The following CIB4 variants were observed in gnomAD, a reference collection of about 807,000 sequenced individuals.
CIB4 encodes calcium and integrin binding family member 4.
In CIB4, 25 loss-of-function variants were observed where a neutral mutation model predicts 25.8. That is an observed-to-expected ratio of 0.97 (90% CI 0.71 to 1.35). CIB4 has a LOEUF of 1.35. Among genes scored for constraint, CIB4 ranks in the 40% most tolerant of loss-of-function variants. The probability of loss-of-function intolerance (pLI) is 0.00; values close to 1 mark genes in which losing one functional copy is unlikely to be tolerated. For synonymous variants in CIB4, 75 were observed against 81.4 expected, an observed-to-expected ratio of 0.92 and a Z score of 0.42; for missense variants, 235 against 228.2, an observed-to-expected ratio of 1.03 and a Z score of -0.19.
chr2:26,635,364 T>A (rs1003434489), intron 2 of CIB4, among the ~76,000 whole-genome samples: 10 of 152,194 alleles, frequency 6.6e-5, no homozygotes, highest in African/African-American at 2.4e-4. Flanking sequence ...TGTGTCCTTA[T>A]GCAAGTCACA....
At chr2:26,609,601 C>T (rs1334790286) in intron 3 of CIB4, among the ~76,000 whole-genome samples, 1 of 152,048 alleles carries the variant, frequency 6.6e-6, no homozygotes, top group African/African-American at 2.4e-5. Context: ...GACAAAAGAA[C>T]AGAAAGATAG....
chr2:26,593,116 G>C (rs1668614141), intron 4 of CIB4, among the ~76,000 whole-genome samples: 1 of 152,170 alleles, frequency 6.6e-6, no homozygotes, highest in Non-Finnish European at 1.5e-5. Context: ...TCTGAGCTGA[G>C]ACATCCGTCT....
At position 26,582,898 on chromosome 2, in the gene CIB4, C is replaced by A. The variant is rs755335625; in HGVS notation, c.454G>T (p.Asp152Tyr). 1 of 1,613,180 alleles carries A rather than the reference C, an allele frequency of 6.2e-7. No individual in the cohort carries two copies. Among genetic ancestry groups the A allele is most frequent in the Non-Finnish European group, 8.5e-7 (1 of 1,179,218 alleles). ...GACAGCATGTTGTCATTGTCCAGAT[C>A]CGACTCACTCAGGACCTGGCGAGGG... ...DLTNHVLSESDLDNDNMLSFS... is the reference protein window; with the variant it reads ...DLTNHVLSESYLDNDNMLSFS... The change falls in exon 6 of 7, where the codon GAT becomes TAT. Residue 152 changes from aspartate to tyrosine, a missense_variant. Coordinates refer to ENST00000288861, the MANE Select transcript of CIB4 (RefSeq NM_001029881.3).
At chr2:26,637,702 C>G (rs1308239222) in intron 2 of CIB4, among the ~76,000 whole-genome samples, 3 of 152,296 alleles carry the variant, frequency 2.0e-5, no homozygotes, top group African/African-American at 7.2e-5. Context: ...TCATTTTGAA[C>G]TGGGACATTT....
At chr2:26,605,269 A>T (rs1297151934) in intron 3 of CIB4, among the ~76,000 whole-genome samples, 2 of 152,124 alleles carry the variant, frequency 1.3e-5, no homozygotes, top group Non-Finnish European at 2.9e-5. Flanking sequence ...AAATGCTTGA[A>T]TTTTTTAAAA....
chr2:26,640,600 C>A (rs759232379), intron 1 of CIB4, 33 bp from the exon 2 acceptor site: 1 of 1,605,360 alleles, frequency 6.2e-7, no homozygotes, highest in Non-Finnish European at 8.5e-7. Flanking sequence ...GACGTGTCCA[C>A]TCCATTCATC....
chr2:26,622,998 GAATA>G (rs542660438), intron 3 of CIB4, among the ~76,000 whole-genome samples: 25 of 150,152 alleles, frequency 1.7e-4, no homozygotes, highest in African/African-American at 4.4e-4. Flanking sequence ...AAATAAATAA[GAATA>G]AATAAATAAA....
intron 3 of CIB4, 76 bp downstream of exon 3, chr2:26,629,334 C>A (rs2148223432): frequency 1.1e-6 from 1 of 910,442 alleles, no homozygotes; most frequent in East Asian, 2.7e-5. Flanking sequence ...CCTCACCCCA[C>A]CCCTCCCAGC....
At chr2:26,629,346 C>A in intron 3 of CIB4, 64 bp downstream of exon 3, 1 of 1,015,710 alleles carries the variant, frequency 9.8e-7, no homozygotes, top group Non-Finnish European at 1.5e-6. Flanking sequence ...CCTCCCAGCA[C>A]CCATCAGCCC....
chr2:26,589,810 G>A (rs573295174), intron 4 of CIB4, among the ~76,000 whole-genome samples: 138 of 152,284 alleles, frequency 9.1e-4, no homozygotes, highest in African/African-American at 3.2e-3. Context: ...GCCGGGTGGG[G>A]CTTCCAAGAA....
At chr2:26,617,731 G>A (rs1482144973) in intron 3 of CIB4, among the ~76,000 whole-genome samples, 2 of 152,150 alleles carry the variant, frequency 1.3e-5, no homozygotes, top group Non-Finnish European at 2.9e-5. Flanking sequence ...CTGGGTTGAG[G>A]ATGATCAAAG....
At chr2:26,601,229 AAAAT>A (rs1371223270) in intron 3 of CIB4, among the ~76,000 whole-genome samples, 829 of 24,906 alleles carry the variant, frequency 0.033, 17 homozygotes, top group Non-Finnish European at 0.038. Flanking sequence ...AAAAAAAAAA[AAAAT>A]ATATATATAT....
At chr2:26,589,191 C>T (rs1668538969) in intron 4 of CIB4, among the ~76,000 whole-genome samples, 2 of 146,266 alleles carry the variant, frequency 1.4e-5, no homozygotes, top group African/African-American at 5.1e-5. Context: ...TCTTCCTCTT[C>T]CTCCCCTTCC....
intron 4 of CIB4, among the ~76,000 whole-genome samples, chr2:26,593,379 CAT>C (rs1439894310): frequency 2.6e-5 from 4 of 151,460 alleles, no homozygotes; most frequent in East Asian, 1.9e-4. Flanking sequence ...CACACGCACA[CAT>C]ATACACACAC....
intron 3 of CIB4, among the ~76,000 whole-genome samples, chr2:26,612,990 A>G (rs985122547): frequency 6.6e-6 from 1 of 152,070 alleles, no homozygotes; most frequent in Non-Finnish European, 1.5e-5. Flanking sequence ...TGCTGGGAGC[A>G]CTTCCCTCTG....
At chr2:26,624,940 G>A (rs1347519633) in intron 3 of CIB4, among the ~76,000 whole-genome samples, 3 of 152,014 alleles carry the variant, frequency 2.0e-5, no homozygotes, top group African/African-American at 7.3e-5. Flanking sequence ...TAACTCAAAG[G>A]ATAAATGCTT....
In CIB4 at chr2:26,641,358, C is replaced by T. The variant is rs753112198; in HGVS notation, c.-44G>A. 2.6e-6 allele frequency: 4 copies of T among 1,545,186 alleles called. No homozygotes were observed. The highest frequency in any genetic ancestry group is 4.5e-5 in the East Asian group (2 of 44,586). On this transcript the variant is annotated 5_prime_UTR_variant, in exon 1 of 7. Coordinates refer to ENST00000288861, the MANE Select transcript of CIB4 (RefSeq NM_001029881.3). ...TCTGCCAGCAGTAGAACCTCAGCCT[C>T]AAGGACTCGCCAGCTGAGGCACCTC... is the stretch of plus-strand genomic sequence containing the variant.
At chr2:26,591,164 C>T (rs577948427) in intron 4 of CIB4, among the ~76,000 whole-genome samples, 26 of 152,360 alleles carry the variant, frequency 1.7e-4, no homozygotes, top group African/African-American at 6.0e-4. Flanking sequence ...AGTGTCCCCA[C>T]CCCAGTGGCA....
chr2:26,605,644 G>T, intron 3 of CIB4: 1 of 448,750 alleles, frequency 2.2e-6, no homozygotes. Context: ...GGCAGTGTTG[G>T]GTCAGCATCA....
Sources: gnomAD v4.1 joint callset for allele counts (sites outside exome capture counted in the v4.1 genomes callset) on GRCh38, gnomAD v4.1.1 for gene constraint, MANE v1.5 for transcripts, NCBI Gene and HGNC (gene_info 2026-07-23, HGNC 2026-07-21) for gene names.